Variants in ABCB1 observed in about 807,000 individuals in gnomAD.
The protein encoded by ABCB1 is ATP binding cassette subfamily B member 1, also known as ATP-dependent translocase ABCB1.
In ABCB1, 69 loss-of-function variants were observed where a neutral mutation model predicts 142.0. The observed-to-expected ratio is 0.49, with a 90% CI of 0.40 to 0.59. ABCB1 has a LOEUF of 0.59. Ranked by LOEUF, ABCB1 falls within the 20% of genes least tolerant of loss-of-function variation. The pLI is 0.00. For missense variants in ABCB1, 1,326 were observed against 1,554.7 expected (o/e 0.85, Z 2.47); for synonymous variants, 532 against 539.2 (o/e 0.99, Z 0.18).
chr7:87,595,882 C>A (rs531062477), intron 2 of ABCB1, 68 bp from the exon 3 acceptor site: 2 of 1,231,012 alleles, frequency 1.6e-6, no homozygotes, highest in South Asian at 2.5e-5. Context: ...CCCAAATTAA[C>A]ATAGAATGTA....
intron 1 of ABCB1, among the ~76,000 whole-genome samples, chr7:87,673,531 G>A (rs916375548): frequency 6.6e-6 from 1 of 152,120 alleles, no homozygotes; most frequent in East Asian, 1.9e-4. Flanking sequence ...ATTATATTAT[G>A]AAATTCTCGA....
chr7:87,590,367 G>A (rs753003584), intron 3 of ABCB1, among the ~76,000 whole-genome samples: 3 of 152,136 alleles, frequency 2.0e-5, no homozygotes, highest in Non-Finnish European at 4.4e-5. Context: ...CTGCCTCCAC[G>A]GAGCCTACCT....
intron 1 of ABCB1, among the ~76,000 whole-genome samples, chr7:87,670,685 G>T (rs552882384): frequency 5.1e-4 from 78 of 152,192 alleles, no homozygotes; most frequent in African/African-American, 1.9e-3. Context: ...AAGGCTTTGT[G>T]CAGTGTCTTT....
intron 4 of ABCB1, among the ~76,000 whole-genome samples, chr7:87,579,207 C>CT (rs906188536): frequency 5.9e-5 from 9 of 151,454 alleles, no homozygotes; most frequent in African/African-American, 1.2e-4. Context: ...ATTCAGATGC[C>CT]TTTTTTTTTC....
chr7:87,533,091 A>C (rs1816132335), intron 20 of ABCB1, among the ~76,000 whole-genome samples: 1 of 152,166 alleles, frequency 6.6e-6, no homozygotes, highest in Admixed American at 6.6e-5. Flanking sequence ...CATTGAGCTT[A>C]TATTAAAGGG....
intron 9 of ABCB1, among the ~76,000 whole-genome samples, chr7:87,551,378 T>C (rs535964107): frequency 6.6e-6 from 1 of 152,360 alleles, no homozygotes; most frequent in South Asian, 2.1e-4. Context: ...ATATGTTAAT[T>C]AGCTTGCTCT....
In ABCB1 at chr7:87,504,010, C is replaced by T. The variant is rs530721255; in HGVS notation, c.*233G>A. The T allele has an allele frequency of 1.7e-6, 1 of 582,612 alleles. No homozygotes were observed. Among genetic ancestry groups the T allele is most frequent in the South Asian group, 2.2e-5 (1 of 46,362 alleles). The allele number at this position is 582,612 out of a possible 1,614,324, so 36.1% of individuals were successfully genotyped here. ...TACACATTTTATCTTTTAAAATCTACTTTAATTCTGTTATAAAATTTATAA... is the reference window on the plus strand; with the variant it reads ...TACACATTTTATCTTTTAAAATCTATTTTAATTCTGTTATAAAATTTATAA... On this transcript the variant is annotated 3_prime_UTR_variant, in exon 28 of 28. Transcript: ENST00000622132.
At chr7:87,551,842 T>G (rs1817086327) in intron 9 of ABCB1, among the ~76,000 whole-genome samples, 1 of 151,352 alleles carries the variant, frequency 6.6e-6, no homozygotes, top group African/African-American at 2.4e-5. Flanking sequence ...AATGTCTAGT[T>G]TTTTTTTTAT....
intron 21 of ABCB1, chr7:87,521,099 G>A: frequency 1.9e-6 from 1 of 529,862 alleles, no homozygotes; most frequent in Non-Finnish European, 3.4e-6. Context: ...AGAAATAGAA[G>A]CTAAGACTTA....
chr7:87,619,670 C>G (rs1820154245), intron 1 of ABCB1, among the ~76,000 whole-genome samples: 1 of 151,938 alleles, frequency 6.6e-6, no homozygotes, highest in African/African-American at 2.4e-5. Context: ...AAGATTGCTG[C>G]TGTCCAATTT....
At chr7:87,596,857 G>C (rs1819230832) in intron 2 of ABCB1, among the ~76,000 whole-genome samples, 1 of 151,952 alleles carries the variant, frequency 6.6e-6, no homozygotes. Context: ...GTAAAGGCAT[G>C]GTTTCAGTAT....
chr7:87,504,376 A>C lies in ABCB1; in HGVS notation c.3710T>G (p.Ile1237Ser). 1.2e-6 allele frequency: 2 copies of C among 1,614,074 alleles called. No individual in the cohort carries two copies. Among genetic ancestry groups the C allele is most frequent in the Non-Finnish European group, 1.7e-6 (2 of 1,179,992 alleles). The change falls in exon 28 of 28, where the codon ATC becomes AGC. Residue 1237 changes from isoleucine to serine, a missense_variant. Physicochemically the swap from Ile to Ser is moderately radical, Grantham distance 142 (BLOSUM62 -2). Transcript: ENST00000622132. ...CACCACTATTAAGTCTGCATTCTGG[A>C]TGGTGGACAGGCGGTGAGCAATCAC... ...CIVIAHRLST[I>S]QNADLIVVFQ...
intron 1 of ABCB1, among the ~76,000 whole-genome samples, chr7:87,655,530 A>C (rs1824010629): frequency 6.6e-6 from 1 of 152,134 alleles, no homozygotes; most frequent in South Asian, 2.1e-4. Context: ...GAATTCGTAG[A>C]AGTAGAGAGT....
chr7:87,552,102 C>T (rs6961665), intron 9 of ABCB1, among the ~76,000 whole-genome samples: 1 of 151,970 alleles, frequency 6.6e-6, no homozygotes, highest in African/African-American at 2.4e-5. Context: ...AAAGCACACA[C>T]ACCTAAGACA....
At chr7:87,705,757 C>G (rs775672629) in intron 1 of ABCB1, among the ~76,000 whole-genome samples, 5 of 152,178 alleles carry the variant, frequency 3.3e-5, no homozygotes, top group Non-Finnish European at 5.9e-5. Context: ...TCTTCCGCAT[C>G]TGCTCTTGGG....
chr7:87,671,057 C>T (rs1825778690), intron 1 of ABCB1, among the ~76,000 whole-genome samples: 1 of 152,112 alleles, frequency 6.6e-6, no homozygotes, highest in Admixed American at 6.5e-5. Flanking sequence ...TGCTTGTTTC[C>T]TGGGGGCTCC....
chr7:87,532,506 G>A (rs745995624), intron 20 of ABCB1, among the ~76,000 whole-genome samples: 29 of 152,128 alleles, frequency 1.9e-4, no homozygotes, highest in Non-Finnish European at 3.7e-4. Context: ...CTCATTATAC[G>A]CTAATTATAA....
At position 87,631,644 on chromosome 7, in the gene ABCB1, C is replaced by T. The variant is rs1821237363; in HGVS notation, c.-330-30566G>A. On this transcript the variant is annotated intron_variant, in intron 1 of 28. Transcript: ENST00000265724. ...TGCTGACCTCGTGATCCGCCCGCCT[C>T]GGCCTCCCAAAGTGCTGGGATTACA... is the stretch of plus-strand genomic sequence containing the variant. Among the ~76,000 whole-genome samples, 3 of 152,316 alleles carry T rather than the reference C, an allele frequency of 2.0e-5. No homozygotes were observed. The East Asian group carries it at 5.8e-4, about 29-fold the overall frequency.
chr7:87,634,627 C>CA lies in ABCB1; in HGVS notation c.-330-33550dup, dbSNP rs1158146732. On this transcript the variant is annotated intron_variant, in intron 1 of 28. Transcript: ENST00000265724. ...GGGAGAAAGAGTGAGACTCTTGTCTCAAAAAAAAAAGAAAAAAAAAAGAAC... is the reference window on the plus strand; with the variant it reads ...GGGAGAAAGAGTGAGACTCTTGTCTCAAAAAAAAAAAGAAAAAAAAAAGAAC... Among the ~76,000 whole-genome samples, 290 of 118,826 alleles carry CA rather than the reference C, an allele frequency of 2.4e-3. 1 individual carries two copies. The highest frequency in any genetic ancestry group is 0.012 in the Admixed American group (133 of 11,492). The allele number at this position is 118,826 out of a possible 152,430, so 78.0% of individuals were successfully genotyped here. A position where few individuals can be genotyped will look rare whatever the true frequency, so the allele number is the denominator to read the frequency against.
Sources: allele counts gnomAD v4.1 joint callset (sites outside exome capture counted in the v4.1 genomes callset), GRCh38; gene constraint gnomAD v4.1.1; transcripts MANE v1.5; gene names NCBI Gene and HGNC (gene_info 2026-07-23, HGNC 2026-07-21).